DCC: variants seen among roughly 807,000 people sequenced by gnomAD.
DCC encodes the protein DCC netrin 1 receptor, also known as netrin receptor DCC.
Under a neutral mutation model 172.5 loss-of-function variants are expected in DCC, and 58 were observed. The ratio of observed to expected loss-of-function variants is 0.34; its 90% CI spans 0.27 to 0.42. The LOEUF (loss-of-function observed/expected upper bound fraction) is 0.42, where lower values mean the gene tolerates loss of function less well. DCC is among the 10% of genes least tolerant of loss of function. The probability of loss-of-function intolerance (pLI) is 1.00; values close to 1 mark genes in which losing one functional copy is unlikely to be tolerated. For synonymous variants in DCC, 709 were observed against 644.5 expected (o/e 1.10, Z -1.52); for missense variants, 1,740 against 1,791.0 (o/e 0.97, Z 0.51).
chr18:53,100,866 G>C (rs936368295), intron 7 of DCC, among the ~76,000 whole-genome samples: 1 of 152,026 alleles, frequency 6.6e-6, no homozygotes, highest in Non-Finnish European at 1.5e-5. Flanking sequence ...TTAAGATAGA[G>C]AGAGGGCTAC....
At chr18:53,075,377 G>C (rs932370854) in intron 7 of DCC, among the ~76,000 whole-genome samples, 1 of 152,120 alleles carries the variant, frequency 6.6e-6, no homozygotes, top group African/African-American at 2.4e-5. Flanking sequence ...CTAATCAAGA[G>C]GATATGGCTG....
chr18:53,177,736 A>G (rs1365827158), intron 8 of DCC, among the ~76,000 whole-genome samples: 2 of 152,000 alleles, frequency 1.3e-5, no homozygotes, highest in African/African-American at 4.8e-5. Flanking sequence ...CATACACTCA[A>G]CCTCTTGATG....
chr18:52,693,378 G>A (rs1016815694), intron 1 of DCC, among the ~76,000 whole-genome samples: 2 of 146,236 alleles, frequency 1.4e-5, no homozygotes, highest in African/African-American at 5.0e-5. Context: ...ACTATATATT[G>A]TATATAAATA....
chr18:53,291,258 C>A (rs1313575193), intron 12 of DCC, among the ~76,000 whole-genome samples: 1 of 151,900 alleles, frequency 6.6e-6, no homozygotes, highest in Non-Finnish European at 1.5e-5. Context: ...AGCCTATAAA[C>A]TAATATTTCA....
intron 14 of DCC, among the ~76,000 whole-genome samples, chr18:53,329,261 C>T (rs2057504545): frequency 6.6e-6 from 1 of 151,670 alleles, no homozygotes; most frequent in Non-Finnish European, 1.5e-5. Flanking sequence ...CCTACAATTT[C>T]TGTTATTAAA....
chr18:52,784,727 A>C (rs78544169), intron 2 of DCC, among the ~76,000 whole-genome samples: 8,038 of 152,046 alleles, frequency 0.053, 286 homozygotes, highest in South Asian at 0.16. Flanking sequence ...AGAAATGTCT[A>C]TTCAGATCGT....
intron 17 of DCC, among the ~76,000 whole-genome samples, chr18:53,395,723 A>G (rs1160542987): frequency 6.6e-6 from 1 of 152,108 alleles, no homozygotes; most frequent in Non-Finnish European, 1.5e-5. Context: ...GCTCACTGCA[A>G]CCTTCATCTC....
chr18:52,475,423 T>G (rs1382088898), intron 1 of DCC, among the ~76,000 whole-genome samples: 1 of 152,144 alleles, frequency 6.6e-6, no homozygotes, highest in African/African-American at 2.4e-5. Context: ...TCTGTCAAGA[T>G]AAAAAATGTG....
At chr18:52,675,278 C>T (rs1033578290) in intron 1 of DCC, among the ~76,000 whole-genome samples, 2 of 152,128 alleles carry the variant, frequency 1.3e-5, no homozygotes, top group African/African-American at 2.4e-5. Context: ...CAGGCTTGAA[C>T]TCCTGACCTC....
At chr18:52,730,202 T>C (rs1032953017) in intron 1 of DCC, among the ~76,000 whole-genome samples, 2 of 152,166 alleles carry the variant, frequency 1.3e-5, no homozygotes, top group East Asian at 1.9e-4. Context: ...ACACTGGCAA[T>C]GTCCAGAGAC....
At chr18:53,222,383 C>CTTTTTTTTTTTTTTTTTTTTTT (rs67373546) in intron 12 of DCC, among the ~76,000 whole-genome samples, 13 of 104,212 alleles carry the variant, frequency 1.2e-4, no homozygotes, top group African/African-American at 1.7e-4. Flanking sequence ...TTTCTTTTTT[C>CTTTTTTTTTTTTTTTTTTTTTT]TTTTTTTTTT....
chr18:53,016,806 C>T (rs2041813263), intron 5 of DCC, among the ~76,000 whole-genome samples: 1 of 152,028 alleles, frequency 6.6e-6, no homozygotes, highest in Non-Finnish European at 1.5e-5. Flanking sequence ...AGATTTTTTA[C>T]GTCTGCCCTT....
intron 12 of DCC, among the ~76,000 whole-genome samples, chr18:53,286,210 G>T (rs1224977771): frequency 1.3e-5 from 2 of 152,004 alleles, no homozygotes; most frequent in Non-Finnish European, 2.9e-5. Flanking sequence ...GAAATGGTGT[G>T]GTTTGGCTAT....
chr18:53,207,507 A>C (rs904573971), intron 10 of DCC, among the ~76,000 whole-genome samples, 172 bp from the exon 11 acceptor site: 3 of 152,182 alleles, frequency 2.0e-5, no homozygotes, highest in African/African-American at 7.2e-5. Flanking sequence ...TCTACAGATT[A>C]GTTGGTTTTT....
chr18:53,343,268 A>G (rs2057683448), intron 15 of DCC, among the ~76,000 whole-genome samples: 1 of 151,992 alleles, frequency 6.6e-6, no homozygotes, highest in Admixed American at 6.5e-5. Context: ...AAAAAAATTT[A>G]GTCTTTACCA....
At chr18:53,429,307 C>T (rs1268363603) in intron 21 of DCC, among the ~76,000 whole-genome samples, 3 of 70,320 alleles carry the variant, frequency 4.3e-5, no homozygotes, top group Non-Finnish European at 1.3e-4. Context: ...AGTCAAGACC[C>T]ATTATCAGGC....
At chr18:52,983,159 GA>G (rs1453677534) in intron 5 of DCC, among the ~76,000 whole-genome samples, 7 of 152,158 alleles carry the variant, frequency 4.6e-5, no homozygotes, top group Non-Finnish European at 8.8e-5. Flanking sequence ...AGTAAGAGGT[GA>G]AGGGGCAATT....
chr18:53,256,546 G>T (rs561778317), intron 12 of DCC, among the ~76,000 whole-genome samples: 1 of 152,078 alleles, frequency 6.6e-6, no homozygotes, highest in Non-Finnish European at 1.5e-5. Context: ...ATTTCTGAGG[G>T]CTCTGTTCTG....
At chr18:52,816,072 T>A (rs1249615918) in intron 2 of DCC, among the ~76,000 whole-genome samples, 1 of 152,218 alleles carries the variant, frequency 6.6e-6, no homozygotes, top group East Asian at 1.9e-4. Context: ...CTCACATGTA[T>A]CTGTTTCGGA....
Sources: allele counts gnomAD v4.1 joint callset (sites outside exome capture counted in the v4.1 genomes callset), GRCh38; gene constraint gnomAD v4.1.1; transcripts MANE v1.5; gene names NCBI Gene and HGNC (gene_info 2026-07-23, HGNC 2026-07-21).